Variants in DPYD observed in about 807,000 individuals in gnomAD.
DPYD encodes dihydropyrimidine dehydrogenase [NADP(+)].
Under a neutral mutation model 116.2 loss-of-function variants are expected in DPYD, and 109 were observed. That is an observed-to-expected ratio of 0.94 (90% CI 0.80 to 1.10). The LOEUF is 1.10. DPYD is among the 50% of genes least tolerant of loss of function. DPYD has a pLI of 0.00. For synonymous variants in DPYD, 440 were observed against 432.0 expected (o/e 1.02, Z -0.23); for missense variants, 1,302 against 1,254.5 (o/e 1.04, Z -0.57).
chr1:97,219,167 A>G (rs1277959166), intron 19 of DPYD, among the ~76,000 whole-genome samples: 1 of 152,158 alleles, frequency 6.6e-6, no homozygotes, highest in Non-Finnish European at 1.5e-5. Context: ...AAGAATTGGG[A>G]CAGTACACAC....
intron 16 of DPYD, among the ~76,000 whole-genome samples, chr1:97,372,479 C>CTTCT (rs1442864391): frequency 6.6e-6 from 1 of 151,936 alleles, no homozygotes; most frequent in Non-Finnish European, 1.5e-5. Context: ...AGTTACTGAT[C>CTTCT]TTCTGGGCAA....
rs1410343232 is a variant in DPYD, at chr1:97,441,211, G to GT, written c.1905+8847dup. On this transcript the variant is annotated intron_variant, in intron 14 of 22. Transcript: ENST00000370192. ...TTGGAGTTGATGAAGTTTCTTGGGG[G>GT]TTTTTTTGGGGAGGGGTGTTTTGGG... Among the ~76,000 whole-genome samples the GT allele has an allele frequency of 5.3e-5, 8 of 152,004 alleles. No individual in the cohort carries two copies. The East Asian group carries it at 1.4e-3, about 26-fold the overall frequency.
chr1:97,249,174 G>A (rs1010554139), intron 18 of DPYD, among the ~76,000 whole-genome samples: 4 of 152,124 alleles, frequency 2.6e-5, no homozygotes, highest in African/African-American at 4.8e-5. Context: ...TCAAGGACAC[G>A]ATTTCATTTT....
chr1:97,182,273 C>T (rs932635147), intron 20 of DPYD, among the ~76,000 whole-genome samples: 4 of 152,076 alleles, frequency 2.6e-5, no homozygotes, highest in Non-Finnish European at 4.4e-5. Flanking sequence ...ACTTGACACT[C>T]CAGCATTCTA....
At chr1:97,340,868 C>T (rs1669554482) in intron 16 of DPYD, among the ~76,000 whole-genome samples, 1 of 152,106 alleles carries the variant, frequency 6.6e-6, no homozygotes, top group Non-Finnish European at 1.5e-5. Flanking sequence ...CTCATATACT[C>T]ATGTGAATTA....
intron 3 of DPYD, among the ~76,000 whole-genome samples, chr1:97,806,774 C>T (rs1455093756): frequency 1.3e-5 from 2 of 151,842 alleles, no homozygotes; most frequent in African/African-American, 4.8e-5. Flanking sequence ...TAGTATCATA[C>T]GAAGTATTCT....
intron 18 of DPYD, among the ~76,000 whole-genome samples, chr1:97,275,555 T>C (rs1664879429): frequency 6.6e-6 from 1 of 152,188 alleles, no homozygotes; most frequent in Non-Finnish European, 1.5e-5. Flanking sequence ...CATTTGTCAT[T>C]CAGGGTTATT....
intron 8 of DPYD, among the ~76,000 whole-genome samples, chr1:97,662,493 C>T (rs371884675): frequency 4.0e-5 from 6 of 151,826 alleles, no homozygotes; most frequent in Middle Eastern, 3.4e-3. Context: ...ATTAGCCAGG[C>T]GTGGTGGCAC....
intron 3 of DPYD, among the ~76,000 whole-genome samples, chr1:97,790,600 G>A (rs1667270916): frequency 6.6e-6 from 1 of 152,028 alleles, no homozygotes; most frequent in Non-Finnish European, 1.5e-5. Context: ...TGCAAAATGT[G>A]GATAATACCA....
At chr1:97,174,219 C>A (rs190097692) in intron 20 of DPYD, among the ~76,000 whole-genome samples, 10 of 152,128 alleles carry the variant, frequency 6.6e-5, no homozygotes, top group Admixed American at 6.6e-4. Flanking sequence ...GTTCTGGAAG[C>A]TTTGGCCTCA....
intron 2 of DPYD, among the ~76,000 whole-genome samples, chr1:97,851,303 C>G (rs1372714923): frequency 6.7e-6 from 1 of 149,608 alleles, no homozygotes; most frequent in African/African-American, 2.5e-5. Context: ...TACTCTTATT[C>G]AAATAAGTAA....
intron 6 of DPYD, among the ~76,000 whole-genome samples, chr1:97,695,662 G>A (rs900707499): frequency 2.6e-5 from 4 of 151,870 alleles, no homozygotes; most frequent in African/African-American, 7.3e-5. Flanking sequence ...GTATCAGGTC[G>A]TGGAAGGGTT....
At chr1:97,152,609 T>C (rs1655113511) in intron 20 of DPYD, among the ~76,000 whole-genome samples, 1 of 151,128 alleles carries the variant, frequency 6.6e-6, no homozygotes, top group Non-Finnish European at 1.5e-5. Flanking sequence ...AAATATACCA[T>C]ATATAGTACT....
At chr1:97,091,720 A>G (rs1293027183) in intron 21 of DPYD, among the ~76,000 whole-genome samples, 2 of 152,144 alleles carry the variant, frequency 1.3e-5, no homozygotes, top group African/African-American at 4.8e-5. Context: ...ATATCTTTTC[A>G]TTTAAAACAA....
chr1:97,688,289 A>C (rs1660840274), intron 7 of DPYD, among the ~76,000 whole-genome samples: 2 of 152,186 alleles, frequency 1.3e-5, no homozygotes, highest in Non-Finnish European at 2.9e-5. Context: ...GAAAACACAA[A>C]GGAAATTTAG....
chr1:97,211,456 G>A (rs1660025621), intron 19 of DPYD, among the ~76,000 whole-genome samples: 1 of 152,106 alleles, frequency 6.6e-6, no homozygotes, highest in Non-Finnish European at 1.5e-5. Context: ...CAGACACTCA[G>A]TAACTATTTG....
At chr1:97,338,768 A>T (rs1340796095) in intron 16 of DPYD, among the ~76,000 whole-genome samples, 1 of 152,000 alleles carries the variant, frequency 6.6e-6, no homozygotes, top group East Asian at 1.9e-4. Flanking sequence ...GCACCCACAA[A>T]CCTCCAGTTT....
intron 18 of DPYD, among the ~76,000 whole-genome samples, chr1:97,266,843 T>C (rs1468521440): frequency 6.6e-6 from 1 of 152,162 alleles, no homozygotes; most frequent in African/African-American, 2.4e-5. Context: ...TTCATGTCTC[T>C]GCAAAGGACA....
At chr1:97,282,405 CT>C (rs1264330936) in intron 18 of DPYD, among the ~76,000 whole-genome samples, 3 of 151,908 alleles carry the variant, frequency 2.0e-5, no homozygotes, top group South Asian at 2.1e-4. Flanking sequence ...ACCATTTTCT[CT>C]TTTTTTCAGA....
Sources: allele counts gnomAD v4.1 joint callset (sites outside exome capture counted in the v4.1 genomes callset), GRCh38; gene constraint gnomAD v4.1.1; transcripts MANE v1.5; gene names NCBI Gene and HGNC (gene_info 2026-07-23, HGNC 2026-07-21).